The following CDH8 variants were observed in gnomAD, a reference collection of about 807,000 sequenced individuals.
CDH8 encodes cadherin 8, also known as cadherin-8.
Under a neutral mutation model 68.1 loss-of-function variants are expected in CDH8, and 17 were observed. The observed-to-expected ratio is 0.25, with a 90% CI of 0.17 to 0.37. CDH8 has a LOEUF of 0.37. CDH8 is among the 10% of genes least tolerant of loss of function. CDH8 has a pLI of 1.00. For synonymous variants in CDH8, 372 were observed against 365.1 expected (o/e 1.02, Z -0.21); for missense variants, 763 against 999.3 (o/e 0.76, Z 3.19).
chr16:61,649,173 G>A lies in CDH8; in HGVS notation c.*4435C>T, dbSNP rs1196042494. ...ATACAATGACATTTAAAAAGTCTAA[G>A]TACAGCCTCACAACGTGACATATTT... On this transcript the variant is annotated 3_prime_UTR_variant, in exon 12 of 12. Transcript: ENST00000577390. 6.6e-6 allele frequency: 1 copy of A among 151,896 alleles called. No homozygotes were observed. The highest frequency in any genetic ancestry group is 6.6e-5 in the Admixed American group (1 of 15,218). 9.4% of individuals were successfully genotyped at this position (151,896 alleles called of 1,614,324 possible). A position where few individuals can be genotyped will look rare whatever the true frequency, so the allele number is the denominator to read the frequency against.
intron 4 of CDH8, among the ~76,000 whole-genome samples, chr16:61,849,225 T>C (rs1312978542): frequency 6.6e-6 from 1 of 151,922 alleles, no homozygotes; most frequent in African/African-American, 2.4e-5. Context: ...GCTGAGAATG[T>C]GTGTATGTGT....
Position 61,650,706 on chromosome 16 carries a change from T to TGTGTGTGAGAGAGAGAGAGAGA in CDH8, c.*2901_*2902insTCTCTCTCTCTCTCTCACACAC, listed in dbSNP as rs745949180. 1.7e-5 allele frequency: 2 copies of TGTGTGTGAGAGAGAGAGAGAGA among 116,596 alleles called. No homozygotes were observed. Among genetic ancestry groups the TGTGTGTGAGAGAGAGAGAGAGA allele is most frequent in the African/African-American group, 6.7e-5 (2 of 29,794 alleles). The allele number at this position is 116,596 out of a possible 1,614,324, so 7.2% of individuals were successfully genotyped here. A position where few individuals can be genotyped will look rare whatever the true frequency, so the allele number is the denominator to read the frequency against. ...GTGTGTGTGTGTGTGTGTGTGTGTG[T>TGTGTGTGAGAGAGAGAGAGAGA]GAGAGAGAGAGAGAGAGAGAGAGAG... On this transcript the variant is annotated 3_prime_UTR_variant, in exon 12 of 12. Coordinates refer to ENST00000577390, the MANE Select transcript of CDH8 (RefSeq NM_001796.5).
chr16:61,654,062 T>C lies in CDH8; in HGVS notation c.1946A>G (p.Asn649Ser). The change falls in exon 12 of 12, where the codon AAT (asparagine) becomes AGT (serine). Residue 649 changes from asparagine (N) to serine (S), a missense_variant. Physicochemically the swap from Asn to Ser is conservative, Grantham distance 46. Around this residue, in one of 2 missense-constraint regions of CDH8, gnomAD observed 397 missense variants for 436.2 expected, o/e 0.91. Coordinates refer to ENST00000577390, the MANE Select transcript of CDH8 (RefSeq NM_001796.5). ...ATCATCTTTGATAATTAATGGTTCA[T>C]TTTTATGCCGCCGTAGAGTTACAAA... ...VLFVTLRRHKNEPLIIKDDED... is the reference protein window; with the variant it reads ...VLFVTLRRHKSEPLIIKDDED... The C allele has an allele frequency of 6.2e-7, 1 of 1,614,154 alleles. No individual in the cohort carries two copies. The highest frequency in any genetic ancestry group is 8.5e-7 in the Non-Finnish European group (1 of 1,180,006).
intron 2 of CDH8, among the ~76,000 whole-genome samples, chr16:61,948,342 C>T (rs1462203745): frequency 6.6e-6 from 1 of 152,062 alleles, no homozygotes; most frequent in East Asian, 1.9e-4. Flanking sequence ...GAGAACACAG[C>T]CAAAATCTAA....
intron 7 of CDH8, among the ~76,000 whole-genome samples, chr16:61,801,311 A>T (rs1005152261): frequency 2.0e-5 from 3 of 152,198 alleles, no homozygotes; most frequent in South Asian, 2.1e-4. Flanking sequence ...TGCCACTATG[A>T]GGTTTGCATC....
intron 6 of CDH8, chr16:61,817,980 C>A: frequency 2.6e-6 from 1 of 378,534 alleles, no homozygotes; most frequent in South Asian, 5.9e-5. Context: ...TTGGAATTCA[C>A]AAAATATTCA....
At chr16:61,848,084 G>T (rs1380815394) in intron 4 of CDH8, among the ~76,000 whole-genome samples, 1 of 151,976 alleles carries the variant, frequency 6.6e-6, no homozygotes, top group Non-Finnish European at 1.5e-5. Flanking sequence ...AACAGAGCTA[G>T]ATTTCCAAGG....
At chr16:61,858,736 T>C (rs1399612819) in intron 3 of CDH8, among the ~76,000 whole-genome samples, 1 of 152,138 alleles carries the variant, frequency 6.6e-6, no homozygotes, top group Non-Finnish European at 1.5e-5. Context: ...AAAGCCTCAT[T>C]GGACTCCATA....
intron 2 of CDH8, among the ~76,000 whole-genome samples, chr16:61,904,751 G>A (rs928076074): frequency 1.3e-5 from 2 of 152,202 alleles, no homozygotes; most frequent in South Asian, 4.1e-4. Context: ...GAAACAAAAT[G>A]AGCTAAGAAT....
intron 10 of CDH8, among the ~76,000 whole-genome samples, chr16:61,665,097 G>A (rs537686973): frequency 1.1e-4 from 17 of 151,952 alleles, no homozygotes; most frequent in African/African-American, 3.9e-4. Flanking sequence ...GGTTACATAA[G>A]GTCATAATGG....
chr16:61,772,468 G>A (rs946338353), intron 8 of CDH8, among the ~76,000 whole-genome samples: 1 of 152,002 alleles, frequency 6.6e-6, no homozygotes, highest in Non-Finnish European at 1.5e-5. Flanking sequence ...ATAACTGATG[G>A]CATTAACACA....
chr16:61,742,833 G>T (rs1343694688), intron 8 of CDH8, among the ~76,000 whole-genome samples: 1 of 152,090 alleles, frequency 6.6e-6, no homozygotes, highest in Non-Finnish European at 1.5e-5. Flanking sequence ...AGTGGGAAAT[G>T]CTCCCTCTTT....
At chr16:61,946,832 G>A (rs1597082620) in intron 2 of CDH8, among the ~76,000 whole-genome samples, 1 of 152,120 alleles carries the variant, frequency 6.6e-6, no homozygotes, top group Admixed American at 6.6e-5. Context: ...GCACAATTTG[G>A]ACTCCTAATA....
chr16:61,824,882 G>A (rs1032585730), intron 5 of CDH8, 130 bp downstream of exon 5: 53 of 726,042 alleles, frequency 7.3e-5, no homozygotes, highest in South Asian at 4.5e-4. Flanking sequence ...CCAAAATCAT[G>A]CCATACCTGG....
intron 2 of CDH8, among the ~76,000 whole-genome samples, chr16:61,979,861 G>A (rs1255256725): frequency 4.6e-5 from 7 of 152,142 alleles, no homozygotes; most frequent in African/African-American, 1.2e-4. Flanking sequence ...GTCTGATTCC[G>A]CTTTCAAGAC....
chr16:61,902,488 G>A (rs866113068), intron 2 of CDH8, among the ~76,000 whole-genome samples: 1 of 150,036 alleles, frequency 6.7e-6, no homozygotes, highest in Non-Finnish European at 1.5e-5. Flanking sequence ...AGCCCATTGC[G>A]ATGTACTACT....
At chr16:61,740,020 G>A (rs1011670987) in intron 8 of CDH8, among the ~76,000 whole-genome samples, 4 of 150,356 alleles carry the variant, frequency 2.7e-5, no homozygotes, top group South Asian at 4.2e-4. Context: ...TGATTCTCCC[G>A]CCTCAGCCTC....
intron 8 of CDH8, among the ~76,000 whole-genome samples, chr16:61,768,324 C>T (rs1010518034): frequency 2.5e-5 from 2 of 79,498 alleles, no homozygotes; most frequent in African/African-American, 9.8e-5. Context: ...TTCTCTCTCT[C>T]TCTCTCTCTC....
chr16:61,702,116 T>C (rs143855788), intron 10 of CDH8, among the ~76,000 whole-genome samples: 95 of 152,274 alleles, frequency 6.2e-4, no homozygotes, highest in African/African-American at 2.2e-3. Context: ...CTCACTCCTG[T>C]AATCTCAGCA....
Sources: gnomAD v4.1 joint callset for allele counts (sites outside exome capture counted in the v4.1 genomes callset) on GRCh38, gnomAD v4.1.1 for gene constraint, gnomAD v4.1.1 regional missense constraint, MANE v1.5 for transcripts, NCBI Gene and HGNC (gene_info 2026-07-23, HGNC 2026-07-21) for gene names.